NADSYN1: variants seen among roughly 807,000 people sequenced by gnomAD.
NADSYN1 encodes glutamine-dependent NAD(+) synthetase.
NADSYN1 carries 80 observed loss-of-function variants against 99.3 expected under a neutral mutation model. The observed-to-expected ratio is 0.81, with a 90% CI of 0.67 to 0.97. The LOEUF (loss-of-function observed/expected upper bound fraction) is 0.97. Among genes scored for constraint, NADSYN1 ranks in the 50% least tolerant of loss-of-function variants. NADSYN1 has a pLI of 0.00. For missense variants in NADSYN1, 859 were observed against 948.5 expected (o/e 0.91, Z 1.24); for synonymous variants, 385 against 372.1 (o/e 1.03, Z -0.40).
intron 1 of NADSYN1, among the ~76,000 whole-genome samples, chr11:71,454,447 A>G (rs1949500043): frequency 1.3e-5 from 2 of 152,242 alleles, no homozygotes; most frequent in Non-Finnish European, 2.9e-5. Flanking sequence ...CCTGACCTCA[A>G]GTGATCCACC....
intron 11 of NADSYN1, 86 bp from the exon 12 acceptor site, chr11:71,481,270 G>C: frequency 7.1e-7 from 1 of 1,401,554 alleles, no homozygotes. Flanking sequence ...TGGCACTGCA[G>C]CCTCCTGGGG....
chr11:71,486,075 C>T (rs752922245), intron 16 of NADSYN1, among the ~76,000 whole-genome samples: 17 of 152,158 alleles, frequency 1.1e-4, no homozygotes, highest in Non-Finnish European at 2.2e-4. Context: ...AACTCAGAGC[C>T]TCCCTGTTGT....
intron 18 of NADSYN1, 26 bp downstream of exon 18, chr11:71,491,929 G>C: frequency 6.2e-7 from 1 of 1,606,436 alleles, no homozygotes; most frequent in Non-Finnish European, 8.5e-7. Flanking sequence ...TTGCCATGAT[G>C]CTTCCTGCCC....
chr11:71,491,109 C>A, intron 17 of NADSYN1, 133 bp downstream of exon 17: 1 of 1,220,362 alleles, frequency 8.2e-7, no homozygotes, highest in Non-Finnish European at 1.1e-6. Context: ...CCTGAGCTGG[C>A]ACTTGAGGCC....
At chr11:71,482,663 GT>G in intron 13 of NADSYN1, 185 bp from the exon 14 acceptor site, 1 of 457,026 alleles carries the variant, frequency 2.2e-6, no homozygotes, top group Non-Finnish European at 3.9e-6. Flanking sequence ...GCACCTGGGG[GT>G]GTAGACTGGG....
intron 15 of NADSYN1, 38 bp from the exon 16 acceptor site, chr11:71,485,504 G>A: frequency 6.7e-7 from 1 of 1,494,536 alleles, no homozygotes; most frequent in South Asian, 1.3e-5. Flanking sequence ...GTGTTCCTTT[G>A]CAAGGGAACC....
At chr11:71,460,522 A>G (rs958785684) in intron 3 of NADSYN1, among the ~76,000 whole-genome samples, 1 of 151,492 alleles carries the variant, frequency 6.6e-6, no homozygotes, top group Non-Finnish European at 1.5e-5. Flanking sequence ...GGCTAATTTT[A>G]TTTTTTATTT....
In NADSYN1 at chr11:71,478,115, T is replaced by TA. The variant is rs547460287; in HGVS notation, c.799-279dup. ...GTGTCTTACTGACAGGGGTGTGTCTTACTGACGGGGTGTGTCTTATTGACA... is the reference window on the plus strand; with the variant it reads ...GTGTCTTACTGACAGGGGTGTGTCTTAACTGACGGGGTGTGTCTTATTGACA... On this transcript the variant is annotated intron_variant, in intron 9 of 20. Transcript: ENST00000319023. Among the ~76,000 whole-genome samples, 91 of 150,850 alleles carry TA rather than the reference T, an allele frequency of 6.0e-4. 1 individual carries two copies. The highest frequency in any genetic ancestry group is 2.0e-3 in the African/African-American group (80 of 40,200).
intron 17 of NADSYN1, 125 bp downstream of exon 17, chr11:71,491,101 T>C: frequency 7.5e-7 from 1 of 1,327,434 alleles, no homozygotes; most frequent in Non-Finnish European, 1.0e-6. Context: ...GTCCTGCCCC[T>C]GAGCTGGCAC....
rs1277981907 is a variant in NADSYN1, at chr11:71,475,716, GTTGT to G, written c.798+1201_798+1204del. 8 of 258,678 alleles carry G rather than the reference GTTGT, an allele frequency of 3.1e-5. 1 individual carries two copies. Among genetic ancestry groups the G allele is most frequent in the South Asian group, 2.9e-4 (7 of 24,350 alleles). The allele number at this position is 258,678 out of a possible 1,614,324, so 16.0% of individuals were successfully genotyped here. On this transcript the variant is annotated intron_variant, in intron 9 of 20. Coordinates refer to ENST00000319023, the MANE Select transcript of NADSYN1 (RefSeq NM_018161.5). ...GAGGTTTGGGCCACTCTCCCTTTCG[GTTGT>G]TTGTTTGTTTTTGAGATGGAGTCTT...
chr11:71,455,748 G>C (rs116601225), intron 2 of NADSYN1, among the ~76,000 whole-genome samples: 1,616 of 152,336 alleles, frequency 0.011, 29 homozygotes, highest in African/African-American at 0.037. Flanking sequence ...CATTTCTGCT[G>C]TTTATTAATT....
At chr11:71,456,837 C>T (rs1313686417) in intron 2 of NADSYN1, among the ~76,000 whole-genome samples, 1 of 152,154 alleles carries the variant, frequency 6.6e-6, no homozygotes, top group Non-Finnish European at 1.5e-5. Context: ...GAGAGGAAAC[C>T]GAGGCAGGAG....
intron 7 of NADSYN1, 24 bp from the exon 8 acceptor site, chr11:71,473,545 C>A: frequency 6.3e-7 from 1 of 1,598,150 alleles, no homozygotes. Context: ...GTGGCCTGTT[C>A]TCTTCACCTG....
At chr11:71,489,538 G>A (rs2120502211) in intron 16 of NADSYN1, among the ~76,000 whole-genome samples, 2 of 152,328 alleles carry the variant, frequency 1.3e-5, no homozygotes, top group East Asian at 1.9e-4. Context: ...CAGTTACTGG[G>A]GATGGAAGAG....
chr11:71,500,827 C>T (rs2120536135), intron 20 of NADSYN1, among the ~76,000 whole-genome samples: 1 of 152,320 alleles, frequency 6.6e-6, no homozygotes. Context: ...CCAATCTGCT[C>T]TGCCATCCCT....
At chr11:71,468,757 T>C (rs1187441090) in intron 5 of NADSYN1, among the ~76,000 whole-genome samples, 1 of 152,226 alleles carries the variant, frequency 6.6e-6, no homozygotes. Context: ...TGAAACCATA[T>C]TGTAATTAAC....
At chr11:71,469,903 A>C (rs1162990043) in intron 5 of NADSYN1, among the ~76,000 whole-genome samples, 2 of 145,092 alleles carry the variant, frequency 1.4e-5, no homozygotes, top group African/African-American at 5.1e-5. Context: ...TCTAGCCCAG[A>C]AGACAGAACA....
intron 17 of NADSYN1, among the ~76,000 whole-genome samples, chr11:71,491,565 C>A (rs1159134152): frequency 6.6e-6 from 1 of 152,192 alleles, no homozygotes; most frequent in Non-Finnish European, 1.5e-5. Context: ...CTAGGTGTGC[C>A]CGGTGCCCAG....
rs1424987467 is a variant in NADSYN1 at position 71,473,763 on chromosome 11, C to T, written c.666+77C>T. ...GAACTCCTGCATCCTCAGTGCCCATCGCAGGGCTGGGCCCACACACAATGG... is the reference window on the plus strand; with the variant it reads ...GAACTCCTGCATCCTCAGTGCCCATTGCAGGGCTGGGCCCACACACAATGG... On this transcript the variant is annotated intron_variant, in intron 8 of 20. Coordinates refer to ENST00000319023, the MANE Select transcript of NADSYN1 (RefSeq NM_018161.5). The T allele has an allele frequency of 2.8e-5, 30 of 1,053,590 alleles. No individual in the cohort carries two copies. In the South Asian group the frequency reaches 3.3e-4, roughly 11 times the overall value. The allele number at this position is 1,053,590 out of a possible 1,614,324, so 65.3% of individuals were successfully genotyped here. A position where few individuals can be genotyped will look rare whatever the true frequency, so the allele number is the denominator to read the frequency against.
Sources: allele counts gnomAD v4.1 joint callset (sites outside exome capture counted in the v4.1 genomes callset), GRCh38; gene constraint gnomAD v4.1.1; transcripts MANE v1.5; gene names NCBI Gene and HGNC (gene_info 2026-07-23, HGNC 2026-07-21).